CIMIP4: variants seen among roughly 807,000 people sequenced by gnomAD.
CIMIP4 encodes the protein protein EAN57.
chr22:37,000,078 C>A, the CIMIP4 span: 1 of 1,466,512 alleles, frequency 6.8e-7, no homozygotes, highest in Non-Finnish European at 9.1e-7. Flanking sequence ...ACCCTGCCCT[C>A]CCCACCCCGA....
chr22:36,992,071 G>A, the CIMIP4 span, among the ~76,000 whole-genome samples: 2 of 152,308 alleles, frequency 1.3e-5, no homozygotes, highest in African/African-American at 2.4e-5. Context: ...TATTTAGGCC[G>A]GGGGCAGTGG....
chr22:36,999,683 G>A, the CIMIP4 span, among the ~76,000 whole-genome samples: 1 of 151,462 alleles, frequency 6.6e-6, no homozygotes, highest in Non-Finnish European at 1.5e-5. Flanking sequence ...GCACTCGCAA[G>A]CTGACATAGA....
chr22:36,997,108 A>T, the CIMIP4 span, among the ~76,000 whole-genome samples: 1 of 152,200 alleles, frequency 6.6e-6, no homozygotes. Context: ...AGCTGCCTAA[A>T]GTTTCCTCAA....
chr22:37,003,891 G>A, the CIMIP4 span: 1 of 1,448,062 alleles, frequency 6.9e-7, no homozygotes, highest in Non-Finnish European at 9.3e-7. Flanking sequence ...GAAAGGGCCG[G>A]TGCCCTGCTG....
the CIMIP4 span, among the ~76,000 whole-genome samples, chr22:37,002,477 C>T: frequency 5.8e-4 from 89 of 152,166 alleles, no homozygotes; most frequent in South Asian, 2.1e-3. Context: ...AGCGCAGGAA[C>T]CAGAGGCATG....
At chr22:36,997,803 G>A in the CIMIP4 span, among the ~76,000 whole-genome samples, 8 of 152,142 alleles carry the variant, frequency 5.3e-5, no homozygotes, top group Admixed American at 2.6e-4. Context: ...TGTTTCCTCT[G>A]ATGTCTTCTG....
chr22:37,000,876 G>A, the CIMIP4 span, among the ~76,000 whole-genome samples: 2 of 152,206 alleles, frequency 1.3e-5, no homozygotes. Flanking sequence ...CAGACTTGCT[G>A]GTGGTGGGGT....
At chr22:37,005,578 T>C in the CIMIP4 span, among the ~76,000 whole-genome samples, 3 of 148,544 alleles carry the variant, frequency 2.0e-5, no homozygotes, top group South Asian at 2.1e-4. Flanking sequence ...TAAGCAGAAA[T>C]CTGGAGTTGG....
At chr22:37,003,910 A>G in the CIMIP4 span, 1 of 1,509,252 alleles carries the variant, frequency 6.6e-7, no homozygotes. Flanking sequence ...TGCCCCAGGG[A>G]GTCCCTCCAG....
At chr22:36,993,728 C>CAA in the CIMIP4 span, among the ~76,000 whole-genome samples, 15 of 138,260 alleles carry the variant, frequency 1.1e-4, no homozygotes, top group African/African-American at 4.0e-4. Context: ...GACTCCATCT[C>CAA]AAAAAAAAAG....
At chr22:36,995,161 A>C in the CIMIP4 span, among the ~76,000 whole-genome samples, 168 of 152,332 alleles carry the variant, frequency 1.1e-3, 4 homozygotes, top group East Asian at 0.03. Context: ...GAAAGAAGTG[A>C]AAAAAAGAAA....
chr22:37,000,461 A>T, the CIMIP4 span, among the ~76,000 whole-genome samples: 1 of 152,122 alleles, frequency 6.6e-6, no homozygotes, highest in Non-Finnish European at 1.5e-5. Flanking sequence ...CTTCATACCA[A>T]TAGGGAAACT....
the CIMIP4 span, chr22:37,002,048 A>G: frequency 6.2e-7 from 1 of 1,609,642 alleles, no homozygotes. Flanking sequence ...CGCATTCTTC[A>G]GGGACCTGGA....
the CIMIP4 span, among the ~76,000 whole-genome samples, chr22:37,005,841 G>A: frequency 1.3e-5 from 2 of 152,276 alleles, no homozygotes; most frequent in Admixed American, 1.3e-4. Flanking sequence ...ACAAAAAGAT[G>A]CCAGTACTTA....
At chr22:36,998,359 TC>T in the CIMIP4 span, among the ~76,000 whole-genome samples, 2 of 152,076 alleles carry the variant, frequency 1.3e-5, no homozygotes, top group African/African-American at 2.4e-5. Context: ...ACCTGGTTCC[TC>T]AGGTGACAGG....
the CIMIP4 span, among the ~76,000 whole-genome samples, chr22:36,996,991 A>G: frequency 0.017 from 2,624 of 152,310 alleles, 29 homozygotes; most frequent in Non-Finnish European, 0.025. Flanking sequence ...ATGAATCCCT[A>G]CTGGGGAAAG....
the CIMIP4 span, among the ~76,000 whole-genome samples, chr22:37,002,906 A>T: frequency 7.9e-5 from 12 of 152,054 alleles, no homozygotes; most frequent in African/African-American, 2.9e-4. Context: ...GCCACCTCCC[A>T]GGCTCTCTCC....
the CIMIP4 span, among the ~76,000 whole-genome samples, chr22:37,002,845 C>G: frequency 6.6e-6 from 1 of 152,292 alleles, no homozygotes; most frequent in Non-Finnish European, 1.5e-5. Flanking sequence ...AAGACTGCTC[C>G]CCAATACCTA....
the CIMIP4 span, among the ~76,000 whole-genome samples, chr22:37,005,992 G>A: frequency 6.6e-6 from 1 of 152,060 alleles, no homozygotes; most frequent in Non-Finnish European, 1.5e-5. Flanking sequence ...AAAGGATGAG[G>A]GTATTACTCT....
Sources: gnomAD v4.1 joint callset for allele counts (sites outside exome capture counted in the v4.1 genomes callset) on GRCh38, gnomAD v4.1.1 for gene constraint, MANE v1.5 for transcripts, NCBI Gene and HGNC (gene_info 2026-07-23, HGNC 2026-07-21) for gene names.